NPAS3: variants seen among roughly 807,000 people sequenced by gnomAD.
The protein encoded by NPAS3 is neuronal PAS domain protein 3, also known as neuronal PAS domain-containing protein 3.
Under a neutral mutation model 73.1 loss-of-function variants are expected in NPAS3, and 14 were observed. The ratio of observed to expected loss-of-function variants is 0.19; its 90% CI spans 0.13 to 0.30. NPAS3 has a LOEUF of 0.30. NPAS3 is among the 10% of genes least tolerant of loss of function. NPAS3 has a pLI of 1.00. For missense variants in NPAS3, 1,096 were observed against 1,250.0 expected (o/e 0.88, Z 1.86); for synonymous variants, 620 against 541.5 (o/e 1.14, Z -2.01).
chr14:33,611,756 T>C lies in NPAS3; in HGVS notation c.558+51546T>C, dbSNP rs184062106. ...TTGCTTCATCATCAATGTTTTTTAG[T>C]GTTCAAGTAAAATTGGCCACATTGT... On this transcript the variant is annotated intron_variant, in intron 5 of 11. Transcript: ENST00000356141. 3.4e-3 allele frequency among the ~76,000 whole-genome samples: 519 copies of C among 152,322 alleles called. 2 individuals carry two copies. Among genetic ancestry groups the C allele is most frequent in the Non-Finnish European group, 4.7e-3 (320 of 68,034 alleles).
chr14:33,603,360 A>C (rs2057458978), intron 5 of NPAS3, among the ~76,000 whole-genome samples: 4 of 152,214 alleles, frequency 2.6e-5, no homozygotes, highest in Admixed American at 2.6e-4. Context: ...GGACAACTTC[A>C]AGTAGCCTAA....
intron 4 of NPAS3, among the ~76,000 whole-genome samples, chr14:33,459,868 GTTCTC>G (rs150018351): frequency 0.11 from 16,983 of 152,016 alleles, 973 homozygotes; most frequent in African/African-American, 0.17. Flanking sequence ...ATAATAATCC[GTTCTC>G]TTCTCTTTCT....
At chr14:33,090,993 T>G (rs1016680708) in intron 2 of NPAS3, among the ~76,000 whole-genome samples, 2 of 152,214 alleles carry the variant, frequency 1.3e-5, no homozygotes, top group Non-Finnish European at 2.9e-5. Context: ...TAAAGCTGTG[T>G]GTCGACGGAA....
chr14:33,624,493 C>T (rs2058168275), intron 5 of NPAS3, among the ~76,000 whole-genome samples: 1 of 150,986 alleles, frequency 6.6e-6, no homozygotes, highest in African/African-American at 2.4e-5. Context: ...GTGAGATTCT[C>T]AGAGGTCCTT....
At chr14:32,971,417 A>C (rs2037419763) in intron 1 of NPAS3, among the ~76,000 whole-genome samples, 1 of 152,092 alleles carries the variant, frequency 6.6e-6, no homozygotes, top group Non-Finnish European at 1.5e-5. Flanking sequence ...CTACCTGTGC[A>C]TCATCTCTAA....
intron 4 of NPAS3, among the ~76,000 whole-genome samples, chr14:33,464,873 AC>A (rs2050438561): frequency 6.6e-6 from 1 of 151,874 alleles, no homozygotes; most frequent in South Asian, 2.1e-4. Flanking sequence ...AGTTGCCTGG[AC>A]CCCCACACCT....
chr14:33,347,635 T>C (rs1253698640), intron 3 of NPAS3, among the ~76,000 whole-genome samples: 4 of 152,172 alleles, frequency 2.6e-5, no homozygotes, highest in Admixed American at 6.5e-5. Context: ...CCATGGGGAA[T>C]TGGTTCCAGA....
At chr14:33,123,752 T>C (rs1314266946) in intron 2 of NPAS3, among the ~76,000 whole-genome samples, 2 of 151,930 alleles carry the variant, frequency 1.3e-5, no homozygotes, top group Non-Finnish European at 2.9e-5. Flanking sequence ...CAGGTAAGTA[T>C]ATTCAGCTGT....
intron 2 of NPAS3, among the ~76,000 whole-genome samples, chr14:33,110,040 C>T (rs1349341534): frequency 6.6e-6 from 1 of 151,854 alleles, no homozygotes; most frequent in Non-Finnish European, 1.5e-5. Context: ...TTTCTGTGTC[C>T]TGGCCGAGAG....
chr14:33,568,655 A>C (rs74602187), intron 5 of NPAS3, among the ~76,000 whole-genome samples: 13,911 of 152,238 alleles, frequency 0.091, 802 homozygotes, highest in Non-Finnish European at 0.13. Flanking sequence ...TTTCATTTCT[A>C]TACACACACA....
At chr14:33,744,112 C>T (rs915518904) in intron 7 of NPAS3, among the ~76,000 whole-genome samples, 9 of 152,182 alleles carry the variant, frequency 5.9e-5, no homozygotes, top group African/African-American at 1.9e-4. Flanking sequence ...TTTTCCTTTG[C>T]ATTCACTGGT....
At chr14:33,067,975 C>T (rs922331463) in intron 2 of NPAS3, among the ~76,000 whole-genome samples, 1 of 152,170 alleles carries the variant, frequency 6.6e-6, no homozygotes, top group African/African-American at 2.4e-5. Context: ...CTTTTCACAT[C>T]CCCTTAATTC....
chr14:33,105,777 T>C (rs1193137306), intron 2 of NPAS3, among the ~76,000 whole-genome samples: 1 of 152,100 alleles, frequency 6.6e-6, no homozygotes, highest in Non-Finnish European at 1.5e-5. Flanking sequence ...ATCAAAACTA[T>C]GCTCCTGAAA....
At chr14:33,787,269 A>C (rs1037929365) in intron 9 of NPAS3, among the ~76,000 whole-genome samples, 20 of 152,200 alleles carry the variant, frequency 1.3e-4, no homozygotes, top group Admixed American at 5.2e-4. Flanking sequence ...AATTCAGTAC[A>C]TTATCATGAA....
In NPAS3 at chr14:33,747,303, T is replaced by C. The variant is rs535739111; in HGVS notation, c.852+11971T>C. On this transcript the variant is annotated intron_variant, in intron 7 of 11. Transcript: ENST00000356141. ...GTCCTTTGTAGGGACATGGATGAAATTGGAAATCATCATTCTCAGTAAACT... is the reference window on the plus strand; with the variant it reads ...GTCCTTTGTAGGGACATGGATGAAACTGGAAATCATCATTCTCAGTAAACT... Among the ~76,000 whole-genome samples the C allele has an allele frequency of 2.1e-3, 324 of 152,130 alleles. 1 individual carries two copies. Among genetic ancestry groups the C allele is most frequent in the African/African-American group, 6.3e-3 (263 of 41,484 alleles).
At chr14:33,034,819 T>C (rs1409779496) in intron 1 of NPAS3, among the ~76,000 whole-genome samples, 4 of 152,264 alleles carry the variant, frequency 2.6e-5, no homozygotes, top group African/African-American at 9.6e-5. Context: ...GAGAGGATAA[T>C]GACTCAACCA....
chr14:33,169,158 T>C (rs2045289715), intron 2 of NPAS3, among the ~76,000 whole-genome samples: 1 of 152,244 alleles, frequency 6.6e-6, no homozygotes. Context: ...TCCTTTTTTC[T>C]AAATACTCTT....
At chr14:32,976,777 G>T (rs117947817) in intron 1 of NPAS3, among the ~76,000 whole-genome samples, 12 of 152,320 alleles carry the variant, frequency 7.9e-5, no homozygotes, top group Middle Eastern at 3.4e-3. Flanking sequence ...GTGTGCTAAG[G>T]TTAGTTATCT....
intron 3 of NPAS3, among the ~76,000 whole-genome samples, chr14:33,250,506 G>T (rs183344069): frequency 2.0e-5 from 3 of 152,080 alleles, no homozygotes; most frequent in African/African-American, 7.2e-5. Flanking sequence ...CATCAGTAAA[G>T]CTTACGATCA....
Sources: gnomAD v4.1 joint callset for allele counts (sites outside exome capture counted in the v4.1 genomes callset) on GRCh38, gnomAD v4.1.1 for gene constraint, MANE v1.5 for transcripts, NCBI Gene and HGNC (gene_info 2026-07-23, HGNC 2026-07-21) for gene names.